Variants in OR51B5 observed in about 807,000 individuals in gnomAD.
The protein encoded by OR51B5 is olfactory receptor family 51 subfamily B member 5, also known as olfactory receptor 51B5.
For synonymous variants in OR51B5, 186 were observed against 144.8 expected (o/e 1.28, Z -2.04); for missense variants, 456 against 374.6 (o/e 1.22, Z -1.79).
At chr11:5,361,068 C>G (rs1415113930) in intron 1 of OR51B5, among the ~76,000 whole-genome samples, 1 of 151,900 alleles carries the variant, frequency 6.6e-6, no homozygotes, top group East Asian at 1.9e-4. Context: ...TGCAGCACAC[C>G]AACATGGCAC....
Position 5,453,591 on chromosome 11 carries a change from T to C in OR51B5, n.84+51978A>G, listed in dbSNP as rs746623494. 3.7e-6 allele frequency: 6 copies of C among 1,613,470 alleles called. No homozygotes were observed. In the African/African-American group the frequency reaches 5.3e-5, roughly 14 times the overall value. Reference sequence around the variant, plus strand: ...GCTGTCAGGGCCCCTCTGCGTGATGTATGCTGTGGCCCTTGGGGGAAATAC... The same window carrying C: ...GCTGTCAGGGCCCCTCTGCGTGATGCATGCTGTGGCCCTTGGGGGAAATAC... On this transcript the variant is annotated intron_variant and non_coding_transcript_variant, in intron 1 of 4. Transcript: ENST00000415970.
chr11:5,497,051 A>T lies in OR51B5; in HGVS notation n.84+8518T>A, dbSNP rs1332276758. The stretch of plus-strand genomic sequence containing the variant: ...ATGGTGAATCAATGTTTAAAAAAAA[A>T]AAAAAAAAAAAAAAGAGAGAGGAAA... On this transcript the variant is annotated intron_variant and non_coding_transcript_variant, in intron 1 of 4. Transcript: ENST00000415970. Among the ~76,000 whole-genome samples the T allele has an allele frequency of 7.1e-4, 106 of 149,318 alleles. 2 individuals carry two copies. Among genetic ancestry groups the T allele is most frequent in the Non-Finnish European group, 1.1e-3 (77 of 67,262 alleles).
chr11:5,394,562 T>G (rs1849840261), intron 1 of OR51B5, among the ~76,000 whole-genome samples: 1 of 152,246 alleles, frequency 6.6e-6, no homozygotes, highest in Non-Finnish European at 1.5e-5. Context: ...CCTTTGAAAT[T>G]GATACTGTAT....
chr11:5,344,818 T>G (rs1298239476), upstream of OR51B5, among the ~76,000 whole-genome samples: 1 of 152,138 alleles, frequency 6.6e-6, no homozygotes, highest in East Asian at 1.9e-4. Context: ...TAAGACAATT[T>G]TAAACAAATA....
chr11:5,503,204 C>T (rs1846322512), intron 1 of OR51B5, among the ~76,000 whole-genome samples: 1 of 152,078 alleles, frequency 6.6e-6, no homozygotes, highest in Non-Finnish European at 1.5e-5. Flanking sequence ...AGAGGCTTTG[C>T]AACTATTTAT....
chr11:5,410,723 G>T (rs1231930872), intron 1 of OR51B5, among the ~76,000 whole-genome samples: 5 of 152,160 alleles, frequency 3.3e-5, no homozygotes, highest in African/African-American at 1.2e-4. Flanking sequence ...TTGTCCAAAA[G>T]ATCCTCCAGT....
At chr11:5,341,033 C>CTGAT (rs1170031293), downstream of OR51B5, 2 of 152,058 alleles carry the variant, frequency 1.3e-5, no homozygotes, top group Non-Finnish European at 2.9e-5. Flanking sequence ...CATGATAAAG[C>CTGAT]TGATTTTTTT....
rs61894084 is a variant in OR51B5, at chr11:5,415,710, G to C, written n.85-68800C>G. ...ATAAATTCCTCGACACATACACTCT[G>C]CCAAGACTAAACCAGGAAGAAGTTG... On this transcript the variant is annotated intron_variant and non_coding_transcript_variant, in intron 1 of 4. Transcript: ENST00000415970. Among the ~76,000 whole-genome samples the C allele has an allele frequency of 0.038, 5,787 of 151,660 alleles. 482 individuals are homozygous for C. The East Asian group carries it at 0.39, about 10-fold the overall frequency.
chr11:5,391,940 A>G (rs1849801908), intron 1 of OR51B5: 1 of 152,170 alleles, frequency 6.6e-6, no homozygotes, highest in Non-Finnish European at 1.5e-5. Context: ...GTGGCGGTGC[A>G]CGTCTGTAGT....
chr11:5,397,851 C>A (rs1171364046), intron 1 of OR51B5, among the ~76,000 whole-genome samples: 1 of 151,374 alleles, frequency 6.6e-6, no homozygotes, highest in African/African-American at 2.4e-5. Context: ...CACATATACA[C>A]CATGGAATAC....
At chr11:5,464,621 AT>A (rs1175442798) in intron 1 of OR51B5, among the ~76,000 whole-genome samples, 1 of 151,848 alleles carries the variant, frequency 6.6e-6, no homozygotes, top group Non-Finnish European at 1.5e-5. Flanking sequence ...TGAACTCATC[AT>A]TTTTTATGGC....
rs565083999 is a variant in OR51B5 at position 5,349,238 on chromosome 11, A to G, written n.85-2328T>C. Among the ~76,000 whole-genome samples, 10 of 152,254 alleles carry G rather than the reference A, an allele frequency of 6.6e-5. No individual in the cohort carries two copies. The South Asian group carries it at 2.1e-3, about 32-fold the overall frequency. On this transcript the variant is annotated intron_variant and non_coding_transcript_variant, in intron 1 of 4. Transcript: ENST00000415970. ...ATCAAGTGAAAGCACTCAGTTTTCA[A>G]TATGAAAACAGACAAGACAAACAGC...
intron 1 of OR51B5, chr11:5,430,813 T>C (rs527481990): frequency 1.5e-5 from 7 of 457,372 alleles, no homozygotes; most frequent in African/African-American, 1.4e-4. Context: ...GGCAGCACGA[T>C]GCATCACAGA....
chr11:5,503,079 T>C (rs1846320830), intron 1 of OR51B5, among the ~76,000 whole-genome samples: 1 of 152,200 alleles, frequency 6.6e-6, no homozygotes, highest in South Asian at 2.1e-4. Flanking sequence ...TATTAAAATA[T>C]ATAAAAGTAC....
At chr11:5,349,770 T>C (rs1849047860) in intron 1 of OR51B5, among the ~76,000 whole-genome samples, 1 of 152,144 alleles carries the variant, frequency 6.6e-6, no homozygotes, top group South Asian at 2.1e-4. Flanking sequence ...TTTCTCACTT[T>C]TTGAGGACAG....
chr11:5,399,765 CAAAA>C (rs35778548), intron 1 of OR51B5, among the ~76,000 whole-genome samples: 1 of 143,406 alleles, frequency 7.0e-6, no homozygotes, highest in Non-Finnish European at 1.5e-5. Context: ...GAGAAGGATG[CAAAA>C]AAAAAAAAAT....
chr11:5,389,844 C>T, intron 1 of OR51B5: 1 of 1,613,948 alleles, frequency 6.2e-7, no homozygotes. Flanking sequence ...GTCATTATCA[C>T]TGGCCAGCAA....
At chr11:5,427,124 T>C (rs1447949410) in intron 1 of OR51B5, among the ~76,000 whole-genome samples, 3 of 152,224 alleles carry the variant, frequency 2.0e-5, no homozygotes, top group African/African-American at 7.2e-5. Context: ...CCCCTCACAA[T>C]TGCTTACATT....
At chr11:5,483,323 C>T (rs1249196937) in intron 1 of OR51B5, among the ~76,000 whole-genome samples, 1 of 119,990 alleles carries the variant, frequency 8.3e-6, no homozygotes, top group Non-Finnish European at 1.6e-5. Context: ...CACATGGACA[C>T]AGGAAGGGGA....
Sources: allele counts gnomAD v4.1 joint callset (sites outside exome capture counted in the v4.1 genomes callset), GRCh38; gene constraint gnomAD v4.1.1; transcripts MANE v1.5; gene names NCBI Gene and HGNC (gene_info 2026-07-23, HGNC 2026-07-21).